The following CDK6 variants were observed in gnomAD, a reference collection of about 807,000 sequenced individuals.
CDK6 encodes cyclin dependent kinase 6, also known as cyclin-dependent kinase 6.
In CDK6, 6 loss-of-function variants were observed where a neutral mutation model predicts 37.1. The ratio of observed to expected loss-of-function variants is 0.16; its 90% confidence interval spans 0.09 to 0.32. The LOEUF (loss-of-function observed/expected upper bound fraction) is 0.32. Ranked by LOEUF, CDK6 falls within the 10% of genes least tolerant of loss-of-function variation. The pLI is 1.00. For synonymous variants in CDK6, 160 were observed against 161.3 expected (o/e 0.99, Z 0.06); for missense variants, 224 against 418.9 (o/e 0.53, Z 4.06).
At chr7:92,778,635 T>A (rs1003197389) in intron 2 of CDK6, among the ~76,000 whole-genome samples, 1 of 152,196 alleles carries the variant, frequency 6.6e-6, no homozygotes, top group South Asian at 2.1e-4. Context: ...TTTCTTCCTA[T>A]TGAAAAAGAA....
At chr7:92,692,258 C>A (rs566942135) in intron 4 of CDK6, among the ~76,000 whole-genome samples, 3 of 144,644 alleles carry the variant, frequency 2.1e-5, no homozygotes, top group Non-Finnish European at 3.0e-5. Context: ...AGTGAAACTC[C>A]GTCTCAAAAA....
In CDK6 at chr7:92,610,049, C is replaced by G; in HGVS notation, c.*5091G>C. 4.4e-6 allele frequency: 1 copy of G among 229,810 alleles called. No homozygotes were observed. The highest frequency in any genetic ancestry group is 8.6e-6 in the Non-Finnish European group (1 of 115,952). The allele number at this position is 229,810 out of a possible 1,614,324, so 14.2% of individuals were successfully genotyped here. Reference sequence around the variant, plus strand: ...TAGAATGAAATCTCTTTTAGAAGTACCTCTTTAGTCTTCATCAGATTTGTT... The same window carrying G: ...TAGAATGAAATCTCTTTTAGAAGTAGCTCTTTAGTCTTCATCAGATTTGTT... On this transcript the variant is annotated 3_prime_UTR_variant, in exon 8 of 8. Coordinates refer to ENST00000424848, the MANE Select transcript of CDK6 (RefSeq NM_001145306.2).
chr7:92,783,966 C>A (rs1420581105), intron 2 of CDK6, among the ~76,000 whole-genome samples: 1 of 152,064 alleles, frequency 6.6e-6, no homozygotes, highest in East Asian at 1.9e-4. Context: ...ACAGGCACTT[C>A]TACGTCATCA....
chr7:92,751,292 G>A (rs1161614857), intron 3 of CDK6, among the ~76,000 whole-genome samples: 1 of 152,040 alleles, frequency 6.6e-6, no homozygotes, highest in Non-Finnish European at 1.5e-5. Context: ...TTGGATACTA[G>A]ATTATTGCTG....
At chr7:92,687,474 G>C (rs1426015448) in intron 4 of CDK6, among the ~76,000 whole-genome samples, 1 of 152,134 alleles carries the variant, frequency 6.6e-6, no homozygotes, top group Non-Finnish European at 1.5e-5. Context: ...GTCCAAAGCA[G>C]CAAATCAAAA....
At position 92,816,132 on chromosome 7, in the gene CDK6, T is replaced by C. The variant is rs536160898; in HGVS notation, c.233+16959A>G. ...AAAGGAGTAGAACAAAATCCAGCAG[T>C]TGACAATGTCATAGTCACAATGTTT... On this transcript the variant is annotated intron_variant, in intron 2 of 7. Coordinates refer to ENST00000424848, the MANE Select transcript of CDK6 (RefSeq NM_001145306.2). Among the ~76,000 whole-genome samples, 4 of 152,288 alleles carry C rather than the reference T, an allele frequency of 2.6e-5. No homozygotes were observed. In the East Asian group the frequency reaches 7.7e-4, roughly 29 times the overall value.
intron 5 of CDK6, among the ~76,000 whole-genome samples, chr7:92,650,547 G>A (rs1431123497): frequency 1.3e-5 from 2 of 152,142 alleles, no homozygotes; most frequent in Non-Finnish European, 2.9e-5. Flanking sequence ...AGCTCTGTAG[G>A]TCAAAAGTCC....
At chr7:92,787,623 C>T (rs928506330) in intron 2 of CDK6, among the ~76,000 whole-genome samples, 11 of 151,876 alleles carry the variant, frequency 7.2e-5, no homozygotes, top group African/African-American at 1.7e-4. Context: ...GCATTACTGC[C>T]GCATTAAAGT....
chr7:92,830,174 A>G (rs1235781327), intron 2 of CDK6, among the ~76,000 whole-genome samples: 1 of 152,214 alleles, frequency 6.6e-6, no homozygotes. Context: ...GAGTAAATTT[A>G]CTTCCCAGAC....
At chr7:92,740,566 G>T (rs1798896694) in intron 3 of CDK6, among the ~76,000 whole-genome samples, 1 of 152,100 alleles carries the variant, frequency 6.6e-6, no homozygotes, top group African/African-American at 2.4e-5. Context: ...ACTGGAAATG[G>T]GGGTGGGATG....
chr7:92,739,978 A>G (rs1392953264), intron 3 of CDK6, among the ~76,000 whole-genome samples: 1 of 152,030 alleles, frequency 6.6e-6, no homozygotes, highest in Non-Finnish European at 1.5e-5. Flanking sequence ...AGGCTGGTCT[A>G]AACACCTGGG....
At chr7:92,700,103 G>A (rs567725898) in intron 4 of CDK6, among the ~76,000 whole-genome samples, 1 of 152,262 alleles carries the variant, frequency 6.6e-6, no homozygotes, top group Admixed American at 6.5e-5. Flanking sequence ...AGGCTTCAGC[G>A]AGGAGGGGCA....
Position 92,833,697 on chromosome 7 carries a change from G to A in CDK6, c.-367-7C>T, listed in dbSNP as rs1801562683. 2.3e-6 allele frequency: 1 copy of A among 438,490 alleles called. No individual in the cohort carries two copies. The highest frequency in any genetic ancestry group is 4.0e-6 in the Non-Finnish European group (1 of 252,296). 27.2% of individuals were successfully genotyped at this position (438,490 alleles called of 1,614,324 possible). ...CAGTCCAGAATCATTGCACCTAAAG[G>A]AGGAGACGGGAGGATAAGAAGAAAG... On this transcript the variant is annotated splice_polypyrimidine_tract_variant and splice_region_variant and intron_variant, in intron 1 of 7. Coordinates refer to ENST00000424848, the MANE Select transcript of CDK6 (RefSeq NM_001145306.2). The surrounding 1 kb of genome is among the most constrained non-coding windows in gnomAD (Gnocchi z 6.1).
intron 5 of CDK6, among the ~76,000 whole-genome samples, chr7:92,630,202 A>G (rs1346463398): frequency 6.6e-6 from 1 of 152,076 alleles, no homozygotes; most frequent in Non-Finnish European, 1.5e-5. Context: ...GCAGCAATAA[A>G]TGTGATTTGT....
At chr7:92,633,051 A>C (rs1796090244) in intron 5 of CDK6, among the ~76,000 whole-genome samples, 1 of 151,748 alleles carries the variant, frequency 6.6e-6, no homozygotes, top group African/African-American at 2.4e-5. Flanking sequence ...AAGAAAGTGC[A>C]TAACAAAGCT....
In CDK6 at chr7:92,606,634, TA is replaced by T; in HGVS notation, c.*8505del. ...AAACTAACAAGTCAAATTTCCAAAT[TA>T]GATTTTTTTTTTTTACTTTCAAAAC... is the stretch of plus-strand genomic sequence containing the variant. On this transcript the variant is annotated 3_prime_UTR_variant, in exon 8 of 8. Transcript: ENST00000424848. 6.9e-6 allele frequency: 1 copy of T among 145,282 alleles called. No individual in the cohort carries two copies. The highest frequency in any genetic ancestry group is 1.2e-5 in the Non-Finnish European group (1 of 86,476). The allele number at this position is 145,282 out of a possible 1,614,324, so 9.0% of individuals were successfully genotyped here.
chr7:92,652,686 T>C (rs1191460078), intron 5 of CDK6, among the ~76,000 whole-genome samples: 2 of 152,178 alleles, frequency 1.3e-5, no homozygotes, highest in African/African-American at 4.8e-5. Flanking sequence ...TATAGGGTCA[T>C]TAACACGGCC....
chr7:92,782,733 T>C (rs1402793223), intron 2 of CDK6, among the ~76,000 whole-genome samples: 2 of 152,210 alleles, frequency 1.3e-5, no homozygotes, highest in Non-Finnish European at 2.9e-5. Flanking sequence ...CCTGGATTTA[T>C]TAATTATGTG....
At chr7:92,630,515 C>A (rs1396949019) in intron 5 of CDK6, among the ~76,000 whole-genome samples, 2 of 151,968 alleles carry the variant, frequency 1.3e-5, no homozygotes, top group Non-Finnish European at 2.9e-5. Flanking sequence ...AGTTTTAGAA[C>A]CAGGAAAATA....
Sources: gnomAD v4.1 joint callset for allele counts (sites outside exome capture counted in the v4.1 genomes callset) on GRCh38, gnomAD v4.1.1 for gene constraint, Gnocchi (gnomAD v3.1) non-coding constraint, MANE v1.5 for transcripts, NCBI Gene and HGNC (gene_info 2026-07-23, HGNC 2026-07-21) for gene names.